PTPN7: variants seen among roughly 807,000 people sequenced by gnomAD.
PTPN7 encodes tyrosine-protein phosphatase non-receptor type 7.
In PTPN7, 33 loss-of-function variants were observed where a neutral mutation model predicts 50.3. That is an observed-to-expected ratio of 0.66 (90% confidence interval 0.50 to 0.88). The LOEUF is 0.88. Ranked by LOEUF, PTPN7 falls within the 40% of genes least tolerant of loss-of-function variation. The probability of loss-of-function intolerance (pLI) is 0.00; values close to 1 mark genes in which losing one functional copy is unlikely to be tolerated. For synonymous variants in PTPN7, 185 were observed against 186.6 expected, an observed-to-expected ratio of 0.99 and a Z score of 0.07; for missense variants, 412 against 475.4, an observed-to-expected ratio of 0.87 and a Z score of 1.24.
rs188895940 is a variant in PTPN7, at chr1:202,157,297, G to A, written c.391+442C>T. Among the ~76,000 whole-genome samples the A allele has an allele frequency of 5.3e-5, 8 of 152,274 alleles. No homozygotes were observed. In the East Asian group the frequency reaches 1.5e-3, roughly 29 times the overall value. ...GGCCGAGGTGGGCGGATCACCTGAGGTCGGGAGTTCGAGACCAGCCTGACC... is the reference window on the plus strand; with the variant it reads ...GGCCGAGGTGGGCGGATCACCTGAGATCGGGAGTTCGAGACCAGCCTGACC... On this transcript the variant is annotated intron_variant, in intron 4 of 9. Coordinates refer to ENST00000691036, the MANE Select transcript of PTPN7 (RefSeq NM_002832.4).
At position 202,157,854 on chromosome 1, in the gene PTPN7, GACTCC is replaced by G. The variant is rs767489007; in HGVS notation, c.307-36_307-32del. The G allele has an allele frequency of 2.3e-5, 37 of 1,585,916 alleles. No homozygotes were observed. The African/African-American group carries it at 4.6e-4, about 20-fold the overall frequency. ...AGGGGGAGGAAATGGGTGAGCAGCT[GACTCC>G]TAGCCTCCTTTTCTCTCCTTCTACC... is the stretch of plus-strand genomic sequence containing the variant. On this transcript the variant is annotated intron_variant, in intron 3 of 9. Transcript: ENST00000691036.
intron 5 of PTPN7, 140 bp downstream of exon 5, chr1:202,155,393 G>GT: frequency 1.2e-6 from 1 of 815,540 alleles, no homozygotes; most frequent in East Asian, 2.7e-5. Context: ...GCCCAGCTTG[G>GT]TAGGGCTATG....
chr1:202,153,077 T>C (rs1656225356), intron 7 of PTPN7, among the ~76,000 whole-genome samples: 1 of 152,212 alleles, frequency 6.6e-6, no homozygotes, highest in Non-Finnish European at 1.5e-5. Flanking sequence ...TTCAAAAATA[T>C]AAAACACCAT....
At position 202,153,728 on chromosome 1, in the gene PTPN7, G is replaced by C; in HGVS notation, c.714C>G (p.Ile238Met). 6.2e-7 allele frequency: 1 copy of C among 1,613,308 alleles called. No individual in the cohort carries two copies. Among genetic ancestry groups the C allele is most frequent in the Non-Finnish European group, 8.5e-7 (1 of 1,179,252 alleles). Residue 238 changes from isoleucine (I) to methionine (M), a missense_variant, in exon 7 of 10, where the codon ATC becomes ATG. By Grantham distance (10) the Ile-to-Met change is conservative. Transcript: ENST00000691036. ...CPEYTVRQLTIQYQEERRSVK... is the reference protein window; with the variant it reads ...CPEYTVRQLTMQYQEERRSVK... Reference sequence around the variant, plus strand: ...CCTGGCTCCGGGGGGGTGGTACCTGGATGGTGAGCTGCCGCACAGTGTATT... The same window carrying C: ...CCTGGCTCCGGGGGGGTGGTACCTGCATGGTGAGCTGCCGCACAGTGTATT...
At chr1:202,160,806 A>G (rs374816905), upstream of PTPN7, 76 of 1,540,308 alleles carry the variant, frequency 4.9e-5, no homozygotes, top group African/African-American at 6.5e-4. This position sits in a 1 kb window ranked among gnomAD's most constrained non-coding sequence, Gnocchi z 4.8. Context: ...CTTCCCGACC[A>G]TCCTGCTTTC....
At chr1:202,153,629 G>T in intron 7 of PTPN7, 96 bp downstream of exon 7, 1 of 986,818 alleles carries the variant, frequency 1.0e-6, no homozygotes. Context: ...GTTTAGAAGA[G>T]CAAACCCTTG....
In PTPN7 at chr1:202,160,523, A is replaced by G; in HGVS notation, c.-53+22T>C. ...CACCCCCCGGGGCCACAGGACTCCC[A>G]GTCCCCCCTTCAGATACTTACTGAA... is the stretch of plus-strand genomic sequence containing the variant. On this transcript the variant is annotated intron_variant, in intron 1 of 9. Coordinates refer to ENST00000691036, the MANE Select transcript of PTPN7 (RefSeq NM_002832.4). The surrounding 1 kb of genome is among the most constrained non-coding windows in gnomAD (Gnocchi z 4.8). 6.5e-7 allele frequency: 1 copy of G among 1,535,438 alleles called. No homozygotes were observed. The highest frequency in any genetic ancestry group is 1.2e-5 in the South Asian group (1 of 83,324).
At chr1:202,155,646 A>G (rs1253602491) in intron 4 of PTPN7, 37 bp from the exon 5 acceptor site, 1 of 1,505,754 alleles carries the variant, frequency 6.6e-7, no homozygotes, top group Admixed American at 1.7e-5. Flanking sequence ...AGAGGTCAGA[A>G]GGTGACCAAC....
Position 202,155,675 on chromosome 1 carries a change from G to T in PTPN7, c.392-66C>A, listed in dbSNP as rs563726777. 501 of 1,389,216 alleles carry T rather than the reference G, an allele frequency of 3.6e-4. 1 individual carries two copies. Among genetic ancestry groups the T allele is most frequent in the Middle Eastern group, 2.1e-3 (12 of 5,628 alleles). 86.1% of individuals were successfully genotyped at this position (1,389,216 alleles called of 1,614,324 possible). On this transcript the variant is annotated intron_variant, in intron 4 of 9. Coordinates refer to ENST00000691036, the MANE Select transcript of PTPN7 (RefSeq NM_002832.4). ...GACCAACTAACACAGACTCAAGCAGGGTCAGAAAGAGGAGAGTTCCTGTGC... is the reference window on the plus strand; with the variant it reads ...GACCAACTAACACAGACTCAAGCAGTGTCAGAAAGAGGAGAGTTCCTGTGC...
rs1172483099 is a variant in PTPN7 at position 202,149,142 on chromosome 1, A to C, written c.990-443T>G. On this transcript the variant is annotated intron_variant, in intron 9 of 9. Transcript: ENST00000691036. ...ACTGCTTGGATTGCAGACATGAGCCACCATGCCCCACCACCTATATTCATC... is the reference window on the plus strand; with the variant it reads ...ACTGCTTGGATTGCAGACATGAGCCCCCATGCCCCACCACCTATATTCATC... Among the ~76,000 whole-genome samples, 3 of 152,062 alleles carry C rather than the reference A, an allele frequency of 2.0e-5. No individual in the cohort carries two copies. The East Asian group carries it at 5.8e-4, about 29-fold the overall frequency.
chr1:202,158,038 G>T, intron 3 of PTPN7, 80 bp downstream of exon 3: 1 of 1,463,298 alleles, frequency 6.8e-7, no homozygotes, highest in Non-Finnish European at 9.2e-7. Context: ...CTTGCCCAGG[G>T]TGCCCGTGAG....
intron 9 of PTPN7, 105 bp from the exon 10 acceptor site, chr1:202,148,804 C>A: frequency 8.3e-6 from 5 of 601,272 alleles, no homozygotes; most frequent in Non-Finnish European, 1.1e-5. Context: ...TCCTGACTTT[C>A]TCAAAGAACA....
At chr1:202,158,448 A>C in intron 2 of PTPN7, 147 bp from the exon 3 acceptor site, 1 of 777,204 alleles carries the variant, frequency 1.3e-6, no homozygotes, top group Non-Finnish European at 2.0e-6. Flanking sequence ...GCAGCCTCAA[A>C]CTCCTGGGCT....
In PTPN7 at chr1:202,152,801, G is replaced by C. The variant is rs141016298; in HGVS notation, c.718-102C>G. ...GGGCAAGGGCTGGAATTACCCTGTG[G>C]GGGGGTCATCTACTCAAAGCAAGCT... is the stretch of plus-strand genomic sequence containing the variant. On this transcript the variant is annotated intron_variant, in intron 7 of 9. Transcript: ENST00000691036. 840 of 1,366,130 alleles carry C rather than the reference G, an allele frequency of 6.1e-4. 12 individuals are homozygous for C. In the East Asian group the frequency reaches 0.015, roughly 25 times the overall value. 84.6% of individuals were successfully genotyped at this position (1,366,130 alleles called of 1,614,324 possible).
intron 4 of PTPN7, among the ~76,000 whole-genome samples, chr1:202,157,094 G>A (rs1385534470): frequency 1.3e-5 from 2 of 152,230 alleles, no homozygotes; most frequent in South Asian, 4.1e-4. Flanking sequence ...GGGGCTTGGT[G>A]CAAGTAGCTA....
chr1:202,150,184 A>G (rs1008991163), intron 9 of PTPN7, 127 bp downstream of exon 9: 31 of 745,890 alleles, frequency 4.2e-5, no homozygotes, highest in Non-Finnish European at 6.4e-5. Flanking sequence ...AACAGCTCTA[A>G]GCAGAAAGGG....
rs575484147 is a variant in PTPN7 at position 202,158,955 on chromosome 1, C to T, written c.122+326G>A. On this transcript the variant is annotated intron_variant, in intron 2 of 9. Transcript: ENST00000691036. The stretch of plus-strand genomic sequence containing the variant: ...TCTCCCTTTGTCAGCCAGAACAGGG[C>T]AGCCTTGAACTCAACTGCTCCTTCC... The T allele has an allele frequency of 1.1e-4, 38 of 331,220 alleles. No individual in the cohort carries two copies. The East Asian group carries it at 2.2e-3, about 19-fold the overall frequency. The allele number at this position is 331,220 out of a possible 1,614,324, so 20.5% of individuals were successfully genotyped here. A position where few individuals can be genotyped will look rare whatever the true frequency, so the allele number is the denominator to read the frequency against.
At chr1:202,161,011 C>T, upstream of PTPN7, 3 of 1,009,346 alleles carry the variant, frequency 3.0e-6, no homozygotes, top group Non-Finnish European at 3.9e-6. Flanking sequence ...GCCCCACAGC[C>T]CTCTCCCTCA....
rs2147856278 is a variant in PTPN7, at chr1:202,160,053, C to G, written c.-53+492G>C. On this transcript the variant is annotated intron_variant, in intron 1 of 9. Transcript: ENST00000691036. This position sits in a 1 kb window ranked among gnomAD's most constrained non-coding sequence, Gnocchi z 4.8. ...TGTTTCCTTCCTCCTCCTGCCCATC[C>G]CCCCGTCTCCCGCCTCTGTAACCGT... The G allele has an allele frequency of 6.8e-6, 6 of 882,710 alleles. No individual in the cohort carries two copies. The highest frequency in any genetic ancestry group is 1.8e-5 in the African/African-American group (1 of 55,166). 54.7% of individuals were successfully genotyped at this position (882,710 alleles called of 1,614,324 possible).
Sources: allele counts gnomAD v4.1 joint callset (sites outside exome capture counted in the v4.1 genomes callset), GRCh38; gene constraint gnomAD v4.1.1; non-coding constraint Gnocchi (gnomAD v3.1); transcripts MANE v1.5; gene names NCBI Gene and HGNC (gene_info 2026-07-23, HGNC 2026-07-21).